Variants in LIPG observed in about 807,000 individuals in gnomAD.
LIPG encodes endothelial lipase.
Under a neutral mutation model 51.8 loss-of-function variants are expected in LIPG, and 34 were observed. The ratio of observed to expected loss-of-function variants is 0.66; its 90% CI spans 0.50 to 0.87. The LOEUF (loss-of-function observed/expected upper bound fraction) is 0.87. LIPG is among the 40% of genes least tolerant of loss of function. The pLI, the probability that LIPG is intolerant of heterozygous loss-of-function variation, is 0.00. For missense variants in LIPG, 580 were observed against 652.7 expected, an observed-to-expected ratio of 0.89 and a Z score of 1.21; for synonymous variants, 246 against 246.1, an observed-to-expected ratio of 1.00 and a Z score of 0.00.
At chr18:49,566,854 C>T (rs1239356135) in intron 2 of LIPG, among the ~76,000 whole-genome samples, 3 of 152,170 alleles carry the variant, frequency 2.0e-5, no homozygotes, top group African/African-American at 7.2e-5. Flanking sequence ...ACCCTTAACA[C>T]GTATCTCATA....
chr18:49,589,616 C>G (rs2084919120), intron 9 of LIPG: 1 of 152,404 alleles, frequency 6.6e-6, no homozygotes, highest in African/African-American at 2.4e-5. Context: ...GAATGTGCCA[C>G]TATGCCTGGC....
intron 5 of LIPG, among the ~76,000 whole-genome samples, chr18:49,577,049 TG>T (rs1352145834): frequency 1.3e-5 from 2 of 151,062 alleles, no homozygotes; most frequent in Non-Finnish European, 2.9e-5. Context: ...TGATAATTCT[TG>T]GGTGTTTCTC....
chr18:49,572,895 G>A (rs940197624), intron 4 of LIPG, among the ~76,000 whole-genome samples: 3 of 152,180 alleles, frequency 2.0e-5, no homozygotes, highest in Admixed American at 6.5e-5. Context: ...AAGAAGCGGC[G>A]GAGGTTCTCT....
intron 3 of LIPG, 83 bp from the exon 4 acceptor site, chr18:49,569,354 G>A (rs1248455557): frequency 5.1e-6 from 6 of 1,166,610 alleles, no homozygotes; most frequent in African/African-American, 1.5e-5. Context: ...CTCCTGCTCC[G>A]TGACTGAGTT....
rs1029423856 is a variant in LIPG at position 49,595,431 on chromosome 18, G to A, written c.*4909G>A. The A allele has an allele frequency of 6.6e-6, 1 of 152,196 alleles. No homozygotes were observed. The highest frequency in any genetic ancestry group is 1.5e-5 in the Non-Finnish European group (1 of 68,046). The allele number at this position is 152,196 out of a possible 1,614,324, so 9.4% of individuals were successfully genotyped here. On this transcript the variant is annotated 3_prime_UTR_variant, in exon 10 of 10. Coordinates refer to ENST00000261292, the MANE Select transcript of LIPG (RefSeq NM_006033.4). ...TCTATCTGCTCATTTAAGAAACAGA[G>A]ACAATACTGCTCAGGGTTGTTGTGA...
chr18:49,570,572 T>C (rs796930854), intron 4 of LIPG, among the ~76,000 whole-genome samples: 5 of 152,340 alleles, frequency 3.3e-5, no homozygotes, highest in African/African-American at 1.2e-4. Context: ...GGCTCACACC[T>C]ATAATCCCAG....
chr18:49,562,916 C>T (rs2084566662), intron 1 of LIPG, among the ~76,000 whole-genome samples: 3 of 152,164 alleles, frequency 2.0e-5, no homozygotes, highest in South Asian at 2.1e-4. Flanking sequence ...TAGAAGCTGC[C>T]GGGCCTATTC....
intron 5 of LIPG, among the ~76,000 whole-genome samples, chr18:49,578,637 C>G: frequency 6.6e-6 from 1 of 151,618 alleles, no homozygotes; most frequent in East Asian, 2.0e-4. Flanking sequence ...CGGGCAGAGG[C>G]TGCAATCTCG....
chr18:49,562,054 G>A (rs895649433), upstream of LIPG: 13 of 1,439,788 alleles, frequency 9.0e-6, no homozygotes, highest in African/African-American at 1.7e-4. Context: ...ATAGGAGCGT[G>A]ACAGCAGCGA....
At chr18:49,574,601 G>C (rs1232472032) in intron 4 of LIPG, among the ~76,000 whole-genome samples, 2 of 152,202 alleles carry the variant, frequency 1.3e-5, no homozygotes, top group East Asian at 1.9e-4. Context: ...CTAGTTGCTT[G>C]TGTGTCCTTC....
At position 49,586,795 on chromosome 18, in the gene LIPG, C is replaced by T. The variant is rs117623631; in HGVS notation, c.1426C>T (p.Arg476Trp). 1.8e-3 allele frequency: 2,839 copies of T among 1,614,012 alleles called. 5 individuals carry two copies. The highest frequency in any genetic ancestry group is 2.3e-3 in the Non-Finnish European group (2,729 of 1,179,970). Reference sequence around the variant, plus strand: ...TGAGAACACCAGCATATCCCCAGGCCGGGAGCTCTGGTTTCGCAAGTGTCG... The same window carrying T: ...TGAGAACACCAGCATATCCCCAGGCTGGGAGCTCTGGTTTCGCAAGTGTCG... ...DPENTSISPG[R>W]ELWFRKCRDG... The change falls in exon 9 of 10, where the codon CGG (arginine) becomes TGG (tryptophan). Residue 476 changes from arginine (R) to tryptophan (W), a missense_variant. Transcript: ENST00000261292.
chr18:49,574,454 T>A (rs750929339), intron 4 of LIPG, among the ~76,000 whole-genome samples: 4 of 152,200 alleles, frequency 2.6e-5, no homozygotes, highest in African/African-American at 4.8e-5. Flanking sequence ...ATTTTATACT[T>A]TGCAAGTTCT....
chr18:49,583,861 T>A, intron 8 of LIPG, 87 bp downstream of exon 8: 1 of 1,201,832 alleles, frequency 8.3e-7, no homozygotes, highest in Non-Finnish European at 1.2e-6. Context: ...TTGCTGCATC[T>A]ACCCTCAATC....
chr18:49,565,951 C>T (rs913743750), intron 2 of LIPG, among the ~76,000 whole-genome samples: 10 of 152,182 alleles, frequency 6.6e-5, no homozygotes, highest in African/African-American at 1.7e-4. Flanking sequence ...GAGATAGCCC[C>T]GTTTAAAGGC....
Position 49,590,531 on chromosome 18 carries a change from G to C in LIPG, c.*9G>C. The C allele has an allele frequency of 6.3e-7, 1 of 1,598,286 alleles. No individual in the cohort carries two copies. Among genetic ancestry groups the C allele is most frequent in the Non-Finnish European group, 8.5e-7 (1 of 1,170,870 alleles). The stretch of plus-strand genomic sequence containing the variant: ...CTGTGGAGCTTCCCTGAGGGTGCCC[G>C]GGCAAGTCTTGCCAGCAAGGCAGCA... On this transcript the variant is annotated 3_prime_UTR_variant, in exon 10 of 10. Coordinates refer to ENST00000261292, the MANE Select transcript of LIPG (RefSeq NM_006033.4).
At chr18:49,571,597 C>A (rs2084664163) in intron 4 of LIPG, among the ~76,000 whole-genome samples, 1 of 152,206 alleles carries the variant, frequency 6.6e-6, no homozygotes, top group Non-Finnish European at 1.5e-5. Flanking sequence ...CCAAGCAGCA[C>A]CCCTGACACA....
At position 49,583,605 on chromosome 18, in the gene LIPG, G is replaced by A. The variant is rs891689752; in HGVS notation, c.1207G>A (p.Glu403Lys). ...CACCAACACCTTCCTGGTCTACACCGAGGAGGACTTGGGAGACCTCTTGAA... is the reference window on the plus strand; with the variant it reads ...CACCAACACCTTCCTGGTCTACACCAAGGAGGACTTGGGAGACCTCTTGAA... ...NATNTFLVYT[E>K]EDLGDLLKIQ... is the part of the protein sequence containing the mutation. Residue 403 changes from glutamate to lysine, a missense_variant, in exon 8 of 10, where the codon GAG becomes AAG. Coordinates refer to ENST00000261292, the MANE Select transcript of LIPG (RefSeq NM_006033.4). 7 of 1,614,176 alleles carry A rather than the reference G, an allele frequency of 4.3e-6. No individual in the cohort carries two copies. Among genetic ancestry groups the A allele is most frequent in the Non-Finnish European group, 5.9e-6 (7 of 1,180,016 alleles).
intron 7 of LIPG, 60 bp downstream of exon 7, chr18:49,582,542 G>C: frequency 6.2e-7 from 1 of 1,607,894 alleles, no homozygotes; most frequent in Non-Finnish European, 8.5e-7. Context: ...TTGAGAATGA[G>C]AGAGCACAAG....
Position 49,569,465 on chromosome 18 carries a change from T to C in LIPG, c.488T>C (p.Val163Ala), listed in dbSNP as rs1470779580. ...AAGGACGATTTTTCTCTCGGGAATGTCCACTTGATCGGCTACAGCCTCGGA... is the reference window on the plus strand; with the variant it reads ...AAGGACGATTTTTCTCTCGGGAATGCCCACTTGATCGGCTACAGCCTCGGA... ...QEKDDFSLGN[V>A]HLIGYSLGAH... is the part of the protein sequence containing the mutation. Residue 163 changes from valine to alanine, a missense_variant, in exon 4 of 10, where the codon GTC becomes GCC. Physicochemically the swap from Val to Ala is moderately conservative, Grantham distance 64. Coordinates refer to ENST00000261292, the MANE Select transcript of LIPG (RefSeq NM_006033.4). The C allele has an allele frequency of 5.0e-6, 8 of 1,614,074 alleles. No homozygotes were observed. Among genetic ancestry groups the C allele is most frequent in the Non-Finnish European group, 5.9e-6 (7 of 1,180,050 alleles).
Sources: gnomAD v4.1 joint callset for allele counts (sites outside exome capture counted in the v4.1 genomes callset) on GRCh38, gnomAD v4.1.1 for gene constraint, MANE v1.5 for transcripts, NCBI Gene and HGNC (gene_info 2026-07-23, HGNC 2026-07-21) for gene names.